The following TMC1 variants were observed in gnomAD, a reference collection of about 807,000 sequenced individuals.
TMC1 encodes transmembrane channel like 1.
A neutral mutation model predicts 105.8 loss-of-function variants in TMC1; 84 were observed. That is an observed-to-expected ratio of 0.79 (90% CI 0.67 to 0.95). The LOEUF is 0.95. Ranked by LOEUF, TMC1 falls within the 40% of genes least tolerant of loss-of-function variation. TMC1 has a pLI of 0.00. For missense variants in TMC1, 817 were observed against 914.1 expected, an observed-to-expected ratio of 0.89 and a Z score of 1.37; for synonymous variants, 315 against 311.5, an observed-to-expected ratio of 1.01 and a Z score of -0.12.
At chr9:72,598,892 G>A (rs1824762292) in intron 2 of TMC1, among the ~76,000 whole-genome samples, 1 of 152,134 alleles carries the variant, frequency 6.6e-6, no homozygotes, top group African/African-American at 2.4e-5. Flanking sequence ...GTTAGATGCC[G>A]ACAACAATCT....
chr9:72,596,292 G>A (rs1315713464), intron 2 of TMC1, among the ~76,000 whole-genome samples: 2 of 152,182 alleles, frequency 1.3e-5, no homozygotes, highest in Non-Finnish European at 2.9e-5. Flanking sequence ...AGAAAAAGGT[G>A]CTGGTCACTA....
chr9:72,761,613 A>C (rs144966122), intron 12 of TMC1, among the ~76,000 whole-genome samples: 65 of 152,342 alleles, frequency 4.3e-4, no homozygotes, highest in African/African-American at 1.5e-3. Context: ...ACTGTTTAAG[A>C]TGGAATATAT....
rs1341174637 is a variant in TMC1, at chr9:72,574,945, C to T, written c.-427-2957C>T. Among the ~76,000 whole-genome samples the T allele has an allele frequency of 4.6e-5, 7 of 152,138 alleles. 1 individual carries two copies. The East Asian group carries it at 1.3e-3, about 29-fold the overall frequency. ...CAGGACCAGAGCTAGTACAGTGCCC[C>T]ATGTTCTTATGGAATGATTTTAGTG... On this transcript the variant is annotated intron_variant, in intron 1 of 23. Coordinates refer to ENST00000297784, the MANE Select transcript of TMC1 (RefSeq NM_138691.3).
chr9:72,703,332 G>C (rs1020341322), intron 8 of TMC1, among the ~76,000 whole-genome samples: 2 of 151,776 alleles, frequency 1.3e-5, no homozygotes, highest in Admixed American at 1.3e-4. Context: ...TTACTATGTC[G>C]CCCAGGCTGA....
chr9:72,743,783 C>G (rs921106925), intron 10 of TMC1, among the ~76,000 whole-genome samples: 6 of 151,938 alleles, frequency 3.9e-5, no homozygotes, highest in African/African-American at 1.4e-4. Context: ...GTGCTTTAGG[C>G]TTAGAATAAG....
intron 23 of TMC1, among the ~76,000 whole-genome samples, chr9:72,832,917 T>C (rs983548715): frequency 1.3e-5 from 2 of 152,178 alleles, no homozygotes; most frequent in East Asian, 3.8e-4. Flanking sequence ...AGTTTTGCTC[T>C]CTTCTCCTCC....
chr9:72,736,695 A>G (rs1827303652), intron 8 of TMC1, among the ~76,000 whole-genome samples: 1 of 152,212 alleles, frequency 6.6e-6, no homozygotes, highest in Non-Finnish European at 1.5e-5. Context: ...GATTAATATG[A>G]TAACTCCTAT....
chr9:72,546,318 T>A (rs1270634486), intron 1 of TMC1, among the ~76,000 whole-genome samples: 1 of 152,008 alleles, frequency 6.6e-6, no homozygotes, highest in Non-Finnish European at 1.5e-5. Flanking sequence ...TAAATTGATG[T>A]TACATTTGGA....
chr9:72,537,500 C>G (rs4326437), intron 1 of TMC1, among the ~76,000 whole-genome samples: 79,669 of 151,938 alleles, frequency 0.52, 21,826 homozygotes, highest in African/African-American at 0.69. Flanking sequence ...ATCTAGTTTA[C>G]AATCATATTT....
rs1427486247 is a variant in TMC1 at position 72,806,212 on chromosome 9, C to T, written c.1695+702C>T. Among the ~76,000 whole-genome samples, 4 of 129,590 alleles carry T rather than the reference C, an allele frequency of 3.1e-5. 1 individual carries two copies. The highest frequency in any genetic ancestry group is 8.1e-5 in the Admixed American group (1 of 12,288). 85.0% of individuals were successfully genotyped at this position (129,590 alleles called of 152,430 possible). A position where few individuals can be genotyped will look rare whatever the true frequency, so the allele number is the denominator to read the frequency against. ...TCCCCTCCCGGACGGGGCGGCTGGCCGGGCAGGGGGCTGACCACCCCACCT... is the reference window on the plus strand; with the variant it reads ...TCCCCTCCCGGACGGGGCGGCTGGCTGGGCAGGGGGCTGACCACCCCACCT... On this transcript the variant is annotated intron_variant, in intron 18 of 23. Coordinates refer to ENST00000297784, the MANE Select transcript of TMC1 (RefSeq NM_138691.3).
Position 72,688,758 on chromosome 9 carries a change from T to A in TMC1, c.64+2T>A. The A allele has an allele frequency of 6.2e-7, 1 of 1,610,876 alleles. No individual in the cohort carries two copies. Among genetic ancestry groups the A allele is most frequent in the Non-Finnish European group, 8.5e-7 (1 of 1,177,800 alleles). ...AAGACGAGACTGAGGAAAGCTCAAGTAAGTGGTGATGGGCCACTTGGGATA... is the reference window on the plus strand; with the variant it reads ...AAGACGAGACTGAGGAAAGCTCAAGAAAGTGGTGATGGGCCACTTGGGATA... On this transcript the variant is annotated splice_donor_variant, in intron 6 of 23. Transcript: ENST00000297784. LOFTEE classifies it high-confidence loss of function.
chr9:72,673,541 G>A (rs1042790312), intron 5 of TMC1, among the ~76,000 whole-genome samples: 4 of 151,870 alleles, frequency 2.6e-5, no homozygotes, highest in African/African-American at 9.7e-5. Flanking sequence ...AATAACTTTA[G>A]TATAACATTT....
chr9:72,819,037 A>G (rs1828831286), intron 19 of TMC1, among the ~76,000 whole-genome samples: 1 of 152,214 alleles, frequency 6.6e-6, no homozygotes, highest in Non-Finnish European at 1.5e-5. Flanking sequence ...ATATTTTAGA[A>G]TTGATCAGGT....
At chr9:72,666,225 G>T (rs926642388) in intron 5 of TMC1, among the ~76,000 whole-genome samples, 7 of 151,372 alleles carry the variant, frequency 4.6e-5, no homozygotes, top group Non-Finnish European at 1.0e-4. Flanking sequence ...AGACTAGCCT[G>T]CACTACATAA....
intron 1 of TMC1, among the ~76,000 whole-genome samples, chr9:72,546,967 A>G (rs1172891642): frequency 4.6e-5 from 7 of 152,190 alleles, no homozygotes; most frequent in African/African-American, 1.7e-4. Flanking sequence ...AATCTTCAGC[A>G]TGGTCCATCC....
chr9:72,601,387 T>C (rs981202734), intron 2 of TMC1, among the ~76,000 whole-genome samples: 3 of 152,068 alleles, frequency 2.0e-5, no homozygotes, highest in African/African-American at 7.3e-5. Flanking sequence ...CTCATGCCTA[T>C]AGTCCCAGCA....
chr9:72,594,282 G>C (rs1824685029), intron 2 of TMC1, among the ~76,000 whole-genome samples: 2 of 152,176 alleles, frequency 1.3e-5, no homozygotes, highest in South Asian at 4.1e-4. Flanking sequence ...CAAGACAAAG[G>C]GGTTTGGGCC....
At chr9:72,582,389 C>G (rs768070510) in intron 2 of TMC1, among the ~76,000 whole-genome samples, 1 of 152,200 alleles carries the variant, frequency 6.6e-6, no homozygotes, top group Non-Finnish European at 1.5e-5. Flanking sequence ...TACCTTCCCC[C>G]CAGCCCACCA....
intron 5 of TMC1, among the ~76,000 whole-genome samples, chr9:72,650,482 G>A (rs1825784213): frequency 6.6e-6 from 1 of 151,424 alleles, no homozygotes; most frequent in Non-Finnish European, 1.5e-5. Context: ...GCTATGAAGG[G>A]ACAGAACAAG....
Sources: allele counts gnomAD v4.1 joint callset (sites outside exome capture counted in the v4.1 genomes callset), GRCh38; gene constraint gnomAD v4.1.1; transcripts MANE v1.5; gene names NCBI Gene and HGNC (gene_info 2026-07-23, HGNC 2026-07-21).